Variants in STRA8 observed in about 807,000 individuals in gnomAD.
The protein encoded by STRA8 is stimulated by retinoic acid gene 8 protein homolog.
A neutral mutation model predicts 37.1 loss-of-function variants in STRA8; 18 were observed. The ratio of observed to expected loss-of-function variants is 0.48; its 90% CI spans 0.34 to 0.72. STRA8 has a LOEUF of 0.72. Ranked by LOEUF, STRA8 falls within the 30% of genes least tolerant of loss-of-function variation. The pLI is 0.01. For synonymous variants in STRA8, 168 were observed against 162.9 expected (o/e 1.03, Z -0.24); for missense variants, 357 against 410.4 (o/e 0.87, Z 1.13).
At position 135,245,426 on chromosome 7, in the gene STRA8, G is replaced by GGAA. The variant is rs1832534323; in HGVS notation, c.494_495insAGA (p.Glu178dup). The GGAA allele has an allele frequency of 1.3e-6, 1 of 762,950 alleles. No homozygotes were observed. The highest frequency in any genetic ancestry group is 2.4e-5 in the East Asian group (1 of 40,976). The allele number at this position is 762,950 out of a possible 1,614,324, so 47.3% of individuals were successfully genotyped here. ...AGGAGGAGGAAGAAGAAGAGGAGGA[G>GGAA]GAGGAAGAGGAGGAAGAGGAAGAGG... On this transcript the variant is annotated inframe_insertion, in exon 5 of 9. Coordinates refer to ENST00000662584, the MANE Select transcript of STRA8 (RefSeq NM_001394401.1).
chr7:135,232,637 T>A (rs1285925832), upstream of STRA8, among the ~76,000 whole-genome samples: 2 of 151,280 alleles, frequency 1.3e-5, no homozygotes, highest in African/African-American at 4.9e-5. Context: ...AAAAAAAAAA[T>A]GCTAGAAGGG....
chr7:135,255,295 C>T lies in STRA8; in HGVS notation c.1065+70C>T. ...AGATAGCAAAAAGGGCTCTTAAGGG[C>T]AGCCCTAACCAGAACTCACCCCAAT... On this transcript the variant is annotated intron_variant, in intron 8 of 8. Coordinates refer to ENST00000662584, the MANE Select transcript of STRA8 (RefSeq NM_001394401.1). 15 of 1,161,642 alleles carry T rather than the reference C, an allele frequency of 1.3e-5. No individual in the cohort carries two copies. In the South Asian group the frequency reaches 1.9e-4, roughly 15 times the overall value. The allele number at this position is 1,161,642 out of a possible 1,614,324, so 72.0% of individuals were successfully genotyped here.
chr7:135,235,704 C>T (rs546092189), intron 1 of STRA8, among the ~76,000 whole-genome samples: 2 of 152,226 alleles, frequency 1.3e-5, no homozygotes, highest in South Asian at 4.1e-4. Flanking sequence ...GGCCCCCCAA[C>T]ATGCTGGGAT....
chr7:135,237,193 G>T (rs915519148), intron 1 of STRA8, among the ~76,000 whole-genome samples: 1 of 152,184 alleles, frequency 6.6e-6, no homozygotes, highest in Admixed American at 6.5e-5. Context: ...CAAACCAAAG[G>T]GGTAATTGGG....
At chr7:135,234,975 C>T (rs879754223) in intron 1 of STRA8, among the ~76,000 whole-genome samples, 2 of 152,208 alleles carry the variant, frequency 1.3e-5, no homozygotes, top group African/African-American at 2.4e-5. Context: ...TTCCTAGGCT[C>T]AAGTGATCCT....
At chr7:135,250,590 T>C (rs944550105) in intron 6 of STRA8, among the ~76,000 whole-genome samples, 20 of 152,242 alleles carry the variant, frequency 1.3e-4, no homozygotes, top group Non-Finnish European at 2.2e-4. Context: ...TTGGAAGAGC[T>C]GTGTGTTGCA....
intron 8 of STRA8, among the ~76,000 whole-genome samples, chr7:135,257,826 GTC>G (rs35645950): frequency 3.9e-5 from 6 of 151,952 alleles, no homozygotes; most frequent in African/African-American, 1.2e-4. Context: ...TGGACACTTA[GTC>G]TCTCTCTCTT....
chr7:135,232,128 A>G (rs146101849), upstream of STRA8: 102 of 611,994 alleles, frequency 1.7e-4, no homozygotes, highest in Middle Eastern at 2.8e-4. Context: ...TTGGGGCGGG[A>G]GGTGGGGTGA....
At chr7:135,251,575 C>CA (rs1832634193) in intron 6 of STRA8, among the ~76,000 whole-genome samples, 2 of 152,322 alleles carry the variant, frequency 1.3e-5, no homozygotes, top group South Asian at 4.1e-4. Flanking sequence ...ACAGCCACCT[C>CA]CAGGGTTGGC....
intron 2 of STRA8, among the ~76,000 whole-genome samples, 155 bp downstream of exon 2, chr7:135,240,871 C>T (rs751358163): frequency 3.3e-5 from 5 of 152,178 alleles, no homozygotes; most frequent in African/African-American, 4.8e-5. Flanking sequence ...TTATAAACAA[C>T]AGAAGTTTAT....
At chr7:135,248,867 C>A (rs1832601581) in intron 6 of STRA8, among the ~76,000 whole-genome samples, 1 of 152,206 alleles carries the variant, frequency 6.6e-6, no homozygotes, top group Non-Finnish European at 1.5e-5. Context: ...CTTTCCCCGA[C>A]CCCCGAACAT....
chr7:135,248,775 C>T (rs1396154676), intron 6 of STRA8, among the ~76,000 whole-genome samples: 1 of 152,134 alleles, frequency 6.6e-6, no homozygotes, highest in Non-Finnish European at 1.5e-5. Flanking sequence ...TAACAAGCTT[C>T]CCTCGTGGCT....
At position 135,234,103 on chromosome 7, in the gene STRA8, G is replaced by GATT. The variant is rs1426903034; in HGVS notation, c.-7+212_-7+214dup. Reference sequence around the variant, plus strand: ...GGATGATGATGATGATGATGATGATGATTATTATTATTATCATTTTGAGAC... The same window carrying GATT: ...GGATGATGATGATGATGATGATGATGATTATTATTATTATTATCATTTTGAGAC... On this transcript the variant is annotated intron_variant, in intron 1 of 8. Coordinates refer to ENST00000662584, the MANE Select transcript of STRA8 (RefSeq NM_001394401.1). Among the ~76,000 whole-genome samples, 50 of 147,500 alleles carry GATT rather than the reference G, an allele frequency of 3.4e-4. 2 individuals carry two copies. The highest frequency in any genetic ancestry group is 1.2e-3 in the African/African-American group (47 of 39,984).
At position 135,258,569 on chromosome 7, in the gene STRA8, G is replaced by T; in HGVS notation, c.*77G>T. On this transcript the variant is annotated 3_prime_UTR_variant, in exon 9 of 9. Coordinates refer to ENST00000662584, the MANE Select transcript of STRA8 (RefSeq NM_001394401.1). ...AGGTTGAATGCTGGCAGCTAAGGTTGCACCTGCCTTGGCCTCCAGGACTCT... is the reference window on the plus strand; with the variant it reads ...AGGTTGAATGCTGGCAGCTAAGGTTTCACCTGCCTTGGCCTCCAGGACTCT... The T allele has an allele frequency of 7.7e-7, 1 of 1,305,660 alleles. No individual in the cohort carries two copies. 80.9% of individuals were successfully genotyped at this position (1,305,660 alleles called of 1,614,324 possible).
chr7:135,255,262 C>T lies in STRA8; in HGVS notation c.1065+37C>T, dbSNP rs1266581844. 3 of 1,533,278 alleles carry T rather than the reference C, an allele frequency of 2.0e-6. No homozygotes were observed. In the East Asian group the frequency reaches 6.8e-5, roughly 35 times the overall value. The allele number at this position is 1,533,278 out of a possible 1,614,324, so 95.0% of individuals were successfully genotyped here. A position where few individuals can be genotyped will look rare whatever the true frequency, so the allele number is the denominator to read the frequency against. ...TAGAGGGCCGTGGTACCTCTGCCCACCTTGCTTAGATAGCAAAAAGGGCTC... is the reference window on the plus strand; with the variant it reads ...TAGAGGGCCGTGGTACCTCTGCCCATCTTGCTTAGATAGCAAAAAGGGCTC... On this transcript the variant is annotated intron_variant, in intron 8 of 8. Coordinates refer to ENST00000662584, the MANE Select transcript of STRA8 (RefSeq NM_001394401.1).
At chr7:135,252,032 G>GTGTGTGTA (rs1297039464) in intron 7 of STRA8, among the ~76,000 whole-genome samples, 163 bp downstream of exon 7, 7 of 151,690 alleles carry the variant, frequency 4.6e-5, no homozygotes, top group African/African-American at 1.7e-4. Flanking sequence ...GTGTGTGTGT[G>GTGTGTGTA]TGTGTGTGTG....
intron 6 of STRA8, among the ~76,000 whole-genome samples, chr7:135,248,175 A>C (rs1015579866): frequency 3.9e-5 from 6 of 152,214 alleles, no homozygotes; most frequent in South Asian, 2.1e-4. Context: ...TTCCTCAGCT[A>C]TCAGGCCCAA....
upstream of STRA8, among the ~76,000 whole-genome samples, chr7:135,232,268 C>CTGGTGGTGGGAGGT (rs1374980392): frequency 2.6e-4 from 39 of 151,450 alleles, no homozygotes; most frequent in East Asian, 7.2e-3. Flanking sequence ...GCAGGTAGGG[C>CTGGTGGTGGGAGGT]TGGTGGTGGG....
At chr7:135,240,798 C>A in intron 2 of STRA8, 82 bp downstream of exon 2, 1 of 1,513,022 alleles carries the variant, frequency 6.6e-7, no homozygotes, top group Non-Finnish European at 9.0e-7. Context: ...TGTTGCAAGG[C>A]AGGGACTGGC....
Sources: gnomAD v4.1 joint callset for allele counts (sites outside exome capture counted in the v4.1 genomes callset) on GRCh38, gnomAD v4.1.1 for gene constraint, MANE v1.5 for transcripts, NCBI Gene and HGNC (gene_info 2026-07-23, HGNC 2026-07-21) for gene names.